Variants in AOAH observed in about 807,000 individuals in gnomAD.
The protein encoded by AOAH is acyloxyacyl hydrolase (neutrophil).
In AOAH, 64 loss-of-function variants were observed where a neutral mutation model predicts 92.2. That is an observed-to-expected ratio of 0.69 (90% CI 0.57 to 0.86). The LOEUF (loss-of-function observed/expected upper bound fraction) is 0.86, where lower values mean the gene tolerates loss of function less well. Among genes scored for constraint, AOAH ranks in the 40% least tolerant of loss-of-function variants. The pLI is 0.00. For missense variants in AOAH, 656 were observed against 694.6 expected, an observed-to-expected ratio of 0.94 and a Z score of 0.62; for synonymous variants, 263 against 254.5, an observed-to-expected ratio of 1.03 and a Z score of -0.32.
chr7:36,534,862 ATGTGTGTC>A (rs1224643242), intron 16 of AOAH, among the ~76,000 whole-genome samples: 1 of 150,900 alleles, frequency 6.6e-6, no homozygotes, highest in Non-Finnish European at 1.5e-5. Flanking sequence ...GTGTGTCTTC[ATGTGTGTC>A]TGTGTGTCTG....
chr7:36,562,634 C>A (rs1431159005), intron 13 of AOAH, among the ~76,000 whole-genome samples: 1 of 152,166 alleles, frequency 6.6e-6, no homozygotes, highest in South Asian at 2.1e-4. Context: ...TTCACATAAT[C>A]CCAGCATTGG....
chr7:36,608,900 TGCG>T (rs149733979), intron 11 of AOAH, among the ~76,000 whole-genome samples: 3 of 15,606 alleles, frequency 1.9e-4, no homozygotes, highest in South Asian at 2.0e-3. Context: ...TAGGAGCTGT[TGCG>T]GCGGGGAGGG....
intron 13 of AOAH, among the ~76,000 whole-genome samples, chr7:36,569,499 ATCTATCTATCTATCTG>A (rs1428543183): frequency 2.0e-5 from 3 of 151,592 alleles, no homozygotes; most frequent in African/African-American, 7.3e-5. Flanking sequence ...CTATCTATCT[ATCTATCTATCTATCTG>A]TCTATCTTTC....
intron 15 of AOAH, 111 bp from the exon 16 acceptor site, chr7:36,540,602 A>T: frequency 5.2e-6 from 5 of 959,398 alleles, no homozygotes; most frequent in Non-Finnish European, 7.7e-6. Context: ...ACACACACAC[A>T]GTGTGGTGGT....
chr7:36,550,467 T>C (rs1212703017), intron 13 of AOAH, among the ~76,000 whole-genome samples: 3 of 152,232 alleles, frequency 2.0e-5, no homozygotes, highest in Non-Finnish European at 4.4e-5. Flanking sequence ...GTAGCTACTG[T>C]TGTATTCCCA....
chr7:36,651,433 T>G (rs536593459), intron 4 of AOAH, among the ~76,000 whole-genome samples: 12 of 152,240 alleles, frequency 7.9e-5, no homozygotes, highest in African/African-American at 2.6e-4. Flanking sequence ...AAAAGATAAC[T>G]TATTAGGGTA....
chr7:36,607,624 AT>A (rs376108556), intron 11 of AOAH, among the ~76,000 whole-genome samples: 49 of 152,324 alleles, frequency 3.2e-4, no homozygotes, highest in African/African-American at 1.2e-3. Flanking sequence ...TTCCGGTTAT[AT>A]TCAATTCCAT....
At chr7:36,568,785 G>A (rs547493729) in intron 13 of AOAH, among the ~76,000 whole-genome samples, 14 of 152,220 alleles carry the variant, frequency 9.2e-5, no homozygotes, top group African/African-American at 1.2e-4. Context: ...ACCTGAATAT[G>A]AAATTGCATA....
At position 36,548,611 on chromosome 7, in the gene AOAH, C is replaced by A; in HGVS notation, c.1133+1G>T. 6.2e-7 allele frequency: 1 copy of A among 1,612,792 alleles called. No homozygotes were observed. On this transcript the variant is annotated splice_donor_variant, in intron 15 of 20. Transcript: ENST00000617537. LOFTEE classifies it high-confidence loss of function. The stretch of plus-strand genomic sequence containing the variant: ...GAAAATACTTTTTCTCAATAACTCA[C>A]CCACTGCAGACATCATTTCCAATCA...
intron 13 of AOAH, among the ~76,000 whole-genome samples, chr7:36,564,856 T>A (rs1787573193): frequency 1.3e-5 from 2 of 152,236 alleles, no homozygotes; most frequent in South Asian, 4.1e-4. Flanking sequence ...CATGAAACAG[T>A]AAGCCAGGAA....
chr7:36,712,586 C>A (rs1046749191), intron 1 of AOAH, among the ~76,000 whole-genome samples: 3 of 151,940 alleles, frequency 2.0e-5, no homozygotes, highest in Non-Finnish European at 4.4e-5. Flanking sequence ...ATAGTCGACC[C>A]CTGGGTTACC....
chr7:36,541,723 G>C (rs1037407973), intron 15 of AOAH, among the ~76,000 whole-genome samples: 7 of 152,156 alleles, frequency 4.6e-5, no homozygotes, highest in Non-Finnish European at 7.4e-5. Flanking sequence ...ATTTTAAAAA[G>C]CTATGTTTAA....
At chr7:36,608,290 C>T (rs889589679) in intron 11 of AOAH, among the ~76,000 whole-genome samples, 1 of 152,200 alleles carries the variant, frequency 6.6e-6, no homozygotes, top group Non-Finnish European at 1.5e-5. Context: ...CCCCACTGTC[C>T]CTCTGACACT....
chr7:36,569,902 C>T (rs1020389190), intron 13 of AOAH, among the ~76,000 whole-genome samples: 5 of 152,092 alleles, frequency 3.3e-5, no homozygotes, highest in East Asian at 1.9e-4. Context: ...CGTGAACCAC[C>T]GCGCCCAGCC....
At chr7:36,642,703 G>T (rs1051091039) in intron 4 of AOAH, among the ~76,000 whole-genome samples, 2 of 152,188 alleles carry the variant, frequency 1.3e-5, no homozygotes, top group African/African-American at 4.8e-5. Context: ...TCTGTACTCT[G>T]CCAGGCGTAA....
rs1787743358 is a variant in AOAH at position 36,566,768 on chromosome 7, A to T, written c.1021+9806T>A. 2.0e-5 allele frequency among the ~76,000 whole-genome samples: 3 copies of T among 152,076 alleles called. No homozygotes were observed. In the South Asian group the frequency reaches 6.2e-4, roughly 32 times the overall value. ...TATGACCTTCCTCCAGGACCACTTGACTAGTAAGGGAAAAATGCCTCACGT... is the reference window on the plus strand; with the variant it reads ...TATGACCTTCCTCCAGGACCACTTGTCTAGTAAGGGAAAAATGCCTCACGT... On this transcript the variant is annotated intron_variant, in intron 13 of 20. Transcript: ENST00000617537.
chr7:36,693,540 T>G (rs998244119), intron 1 of AOAH, among the ~76,000 whole-genome samples: 1 of 152,134 alleles, frequency 6.6e-6, no homozygotes, highest in African/African-American at 2.4e-5. Context: ...ATTATTTTTT[T>G]GATCACACTA....
At chr7:36,643,402 G>A (rs1324323930) in intron 4 of AOAH, among the ~76,000 whole-genome samples, 1 of 152,162 alleles carries the variant, frequency 6.6e-6, no homozygotes, top group African/African-American at 2.4e-5. Context: ...GGAATGGCAA[G>A]TGTGGCTCCC....
intron 16 of AOAH, among the ~76,000 whole-genome samples, chr7:36,536,846 G>T (rs953494481): frequency 1.3e-5 from 2 of 149,614 alleles, no homozygotes; most frequent in Non-Finnish European, 3.0e-5. Context: ...CTACTCGGGG[G>T]AGCTGAGGCA....
Sources: gnomAD v4.1 joint callset for allele counts (sites outside exome capture counted in the v4.1 genomes callset) on GRCh38, gnomAD v4.1.1 for gene constraint, MANE v1.5 for transcripts, NCBI Gene and HGNC (gene_info 2026-07-23, HGNC 2026-07-21) for gene names.